TECPR2: variants seen among roughly 807,000 people sequenced by gnomAD.
TECPR2 encodes tectonin beta-propeller repeat containing 2, also known as tectonin beta-propeller repeat-containing protein 2.
In TECPR2, 65 loss-of-function variants were observed where a neutral mutation model predicts 138.1. That is an observed-to-expected ratio of 0.47 (90% CI 0.39 to 0.58). TECPR2 has a LOEUF of 0.58. TECPR2 is among the 20% of genes least tolerant of loss of function. The probability of loss-of-function intolerance (pLI) is 0.00; values close to 1 mark genes in which losing one functional copy is unlikely to be tolerated. For synonymous variants in TECPR2, 746 were observed against 749.8 expected (o/e 0.99, Z 0.08); for missense variants, 1,553 against 1,824.5 (o/e 0.85, Z 2.71).
intron 16 of TECPR2, 37 bp from the exon 17 acceptor site, chr14:102,465,104 A>G (rs760184524): frequency 6.2e-7 from 1 of 1,604,210 alleles, no homozygotes; most frequent in African/African-American, 1.3e-5. Context: ...CATTGTACAA[A>G]AGTAATTATA....
At position 102,434,313 on chromosome 14, in the gene TECPR2, C is replaced by A; in HGVS notation, c.1496C>A (p.Ser499Tyr). 6.9e-7 allele frequency: 1 copy of A among 1,454,544 alleles called. No individual in the cohort carries two copies. Among genetic ancestry groups the A allele is most frequent in the Non-Finnish European group, 9.1e-7 (1 of 1,099,778 alleles). The allele number at this position is 1,454,544 out of a possible 1,614,324, so 90.1% of individuals were successfully genotyped here. A position where few individuals can be genotyped will look rare whatever the true frequency, so the allele number is the denominator to read the frequency against. ...CSEFPGDSPQ[S>Y]LNTDLLSMTS... Reference sequence around the variant, plus strand: ...GAATTTCCTGGGGACAGTCCCCAGTCCTTGAACACAGACTTGCTGTCGATG... The same window carrying A: ...GAATTTCCTGGGGACAGTCCCCAGTACTTGAACACAGACTTGCTGTCGATG... The change falls in exon 9 of 20, where the codon TCC (serine) becomes TAC (tyrosine). Residue 499 changes from serine (S) to tyrosine (Y), a missense_variant. Physicochemically the swap from Ser to Tyr is moderately radical, Grantham distance 144. Coordinates refer to ENST00000359520, the MANE Select transcript of TECPR2 (RefSeq NM_014844.5).
intron 16 of TECPR2, 114 bp downstream of exon 16, chr14:102,452,741 G>T (rs141194311): frequency 4.9e-6 from 4 of 811,440 alleles, no homozygotes; most frequent in Non-Finnish European, 7.8e-6. Flanking sequence ...GAGTTCTGAG[G>T]GGGTGTTTAT....
chr14:102,428,228 T>TTTTTTG, intron 6 of TECPR2, 22 bp from the exon 7 acceptor site: 1 of 1,316,516 alleles, frequency 7.6e-7, no homozygotes, highest in South Asian at 1.9e-5. Flanking sequence ...TTTTGTTTTT[T>TTTTTTG]TTTTTTTTTT....
chr14:102,389,909 T>A lies in TECPR2; in HGVS notation c.219+12969T>A, dbSNP rs1888120306. Among the ~76,000 whole-genome samples the A allele has an allele frequency of 2.6e-5, 4 of 152,360 alleles. No homozygotes were observed. In the South Asian group the frequency reaches 8.3e-4, roughly 32 times the overall value. On this transcript the variant is annotated intron_variant, in intron 2 of 19. Coordinates refer to ENST00000359520, the MANE Select transcript of TECPR2 (RefSeq NM_014844.5). ...GAAAAGCAGATATCTTTGTTTAACT[T>A]CCAGATCATTAAAAAGTTGTGTTAG...
chr14:102,493,374 A>G (rs1891199990), intron 17 of TECPR2, among the ~76,000 whole-genome samples: 1 of 151,954 alleles, frequency 6.6e-6, no homozygotes, highest in South Asian at 2.1e-4. Flanking sequence ...TCTCCTCCAC[A>G]TAGCCTGGTG....
intron 2 of TECPR2, among the ~76,000 whole-genome samples, chr14:102,396,201 C>T (rs972046861): frequency 6.6e-6 from 1 of 151,062 alleles, no homozygotes; most frequent in South Asian, 2.1e-4. Context: ...CTCATGGGTT[C>T]AAGCTGCTCT....
chr14:102,453,025 C>G (rs1890187876), intron 16 of TECPR2, among the ~76,000 whole-genome samples: 1 of 152,226 alleles, frequency 6.6e-6, no homozygotes, highest in Non-Finnish European at 1.5e-5. Context: ...CCACGTTTGT[C>G]TATCTCCTCA....
intron 2 of TECPR2, among the ~76,000 whole-genome samples, chr14:102,402,444 GAAA>G (rs1888518722): frequency 2.0e-5 from 3 of 151,668 alleles, no homozygotes; most frequent in Admixed American, 6.6e-5. Context: ...TAAAAAATAA[GAAA>G]AATCTCAAAT....
At chr14:102,405,430 T>C in intron 2 of TECPR2, among the ~76,000 whole-genome samples, 1 of 151,932 alleles carries the variant, frequency 6.6e-6, no homozygotes, top group East Asian at 1.9e-4. Flanking sequence ...ATATGAAAAA[T>C]GACCATCACT....
intron 2 of TECPR2, among the ~76,000 whole-genome samples, chr14:102,386,343 A>G (rs1888002382): frequency 6.6e-6 from 1 of 151,996 alleles, no homozygotes. Flanking sequence ...GGTGGCGGGC[A>G]CCTGTAATCC....
intron 6 of TECPR2, among the ~76,000 whole-genome samples, chr14:102,426,587 C>T (rs10873533): frequency 0.31 from 46,416 of 152,036 alleles, 7,346 homozygotes; most frequent in Middle Eastern, 0.4. Flanking sequence ...CAGTGGCTTA[C>T]GCCTGTAATC....
At chr14:102,366,389 C>G (rs1157702433) in intron 1 of TECPR2, among the ~76,000 whole-genome samples, 1 of 152,154 alleles carries the variant, frequency 6.6e-6, no homozygotes, top group Non-Finnish European at 1.5e-5. Flanking sequence ...CTCTGTCACC[C>G]AGGCTGGAGT....
chr14:102,380,011 A>G (rs910344667), intron 2 of TECPR2, among the ~76,000 whole-genome samples: 1 of 141,212 alleles, frequency 7.1e-6, no homozygotes, highest in Non-Finnish European at 1.5e-5. Context: ...GAAGATCACC[A>G]TCTTAAAATC....
At chr14:102,400,291 C>T (rs183311251) in intron 2 of TECPR2, among the ~76,000 whole-genome samples, 6 of 152,220 alleles carry the variant, frequency 3.9e-5, no homozygotes, top group East Asian at 3.9e-4. Context: ...TTGATCTGCC[C>T]GCCTTGGCCT....
intron 2 of TECPR2, among the ~76,000 whole-genome samples, chr14:102,382,272 A>G (rs1887854386): frequency 6.6e-6 from 1 of 151,974 alleles, no homozygotes; most frequent in Non-Finnish European, 1.5e-5. Context: ...CAGCCTGGGC[A>G]ATGAGAGTGA....
intron 17 of TECPR2, among the ~76,000 whole-genome samples, chr14:102,492,473 GT>G (rs1407913115): frequency 6.6e-6 from 1 of 152,246 alleles, no homozygotes; most frequent in African/African-American, 2.4e-5. Context: ...GATTTGTGTA[GT>G]TTTCAAATGT....
intron 12 of TECPR2, among the ~76,000 whole-genome samples, chr14:102,445,423 G>A (rs979291368): frequency 2.7e-5 from 4 of 149,626 alleles, no homozygotes; most frequent in East Asian, 2.0e-4. Context: ...TTGGATTGGC[G>A]GGGGAAGGAG....
At chr14:102,495,198 C>T (rs1486432067) in intron 17 of TECPR2, among the ~76,000 whole-genome samples, 1 of 116,680 alleles carries the variant, frequency 8.6e-6, no homozygotes, top group Non-Finnish European at 1.8e-5. Flanking sequence ...TGGGTGACAG[C>T]GAGACCCTGT....
At position 102,440,510 on chromosome 14, in the gene TECPR2, C is replaced by G; in HGVS notation, c.2653C>G (p.Arg885Gly). 1 of 1,614,172 alleles carries G rather than the reference C, an allele frequency of 6.2e-7. No homozygotes were observed. ...TGGGAAAGTCACCATCAAGGGGAAG[C>G]GGCACTGGTACGAAGCCCTGCCCCA... is the stretch of plus-strand genomic sequence containing the variant. ...ACGKVTIKGK[R>G]HWYEALPQAV... The change falls in exon 11 of 20, where the codon CGG becomes GGG. Residue 885 changes from arginine (R) to glycine (G), a missense_variant. Arg to Gly is a moderately radical substitution (Grantham distance 125, BLOSUM62 -2). Transcript: ENST00000359520.
Sources: gnomAD v4.1 joint callset for allele counts (sites outside exome capture counted in the v4.1 genomes callset) on GRCh38, gnomAD v4.1.1 for gene constraint, MANE v1.5 for transcripts, NCBI Gene and HGNC (gene_info 2026-07-23, HGNC 2026-07-21) for gene names.